Variants in GRM3 observed in about 807,000 individuals in gnomAD.
GRM3 encodes the protein glutamate metabotropic receptor 3.
GRM3 carries 26 observed loss-of-function variants against 70.5 expected under a neutral mutation model. That is an observed-to-expected ratio of 0.37 (90% confidence interval 0.27 to 0.51). GRM3 has a LOEUF of 0.51. GRM3 is among the 20% of genes least tolerant of loss of function. GRM3 has a pLI of 0.93. For missense variants in GRM3, 859 were observed against 1,123.8 expected, an observed-to-expected ratio of 0.76 and a Z score of 3.37; for synonymous variants, 443 against 434.9, an observed-to-expected ratio of 1.02 and a Z score of -0.23.
At chr7:86,751,126 C>T (rs998143107) in intron 1 of GRM3, among the ~76,000 whole-genome samples, 3 of 152,194 alleles carry the variant, frequency 2.0e-5, no homozygotes, top group Admixed American at 6.6e-5. Context: ...GTGGGCAAGA[C>T]AGCCACATTC....
At chr7:86,687,255 CA>C (rs1303945043) in intron 1 of GRM3, among the ~76,000 whole-genome samples, 2 of 151,628 alleles carry the variant, frequency 1.3e-5, no homozygotes, top group Non-Finnish European at 3.0e-5. Context: ...ACATAAGATC[CA>C]AAAAGCTGTC....
At chr7:86,755,022 C>G (rs1409299473) in intron 1 of GRM3, among the ~76,000 whole-genome samples, 6 of 152,018 alleles carry the variant, frequency 3.9e-5, no homozygotes, top group African/African-American at 1.4e-4. Flanking sequence ...TTAAATCATC[C>G]TGCTTGGCAA....
In GRM3 at chr7:86,644,816, C is replaced by T. The variant is rs572350243; in HGVS notation, c.-197C>T. On this transcript the variant is annotated 5_prime_UTR_variant, in exon 1 of 6. Transcript: ENST00000361669. The stretch of plus-strand genomic sequence containing the variant: ...GAGCCAGAGCCCGGGTGCAGGCTCA[C>T]CGCCGCCGCTGCCACCGCGGTCAGC... The T allele has an allele frequency of 3.5e-5, 45 of 1,289,694 alleles. No homozygotes were observed. In the East Asian group the frequency reaches 2.3e-3, roughly 65 times the overall value. The allele number at this position is 1,289,694 out of a possible 1,614,324, so 79.9% of individuals were successfully genotyped here.
At chr7:86,850,299 C>A in intron 4 of GRM3, 71 bp from the exon 5 acceptor site, 1 of 1,044,780 alleles carries the variant, frequency 9.6e-7, no homozygotes, top group Non-Finnish European at 1.5e-6. Context: ...GGTCTTATTT[C>A]AGCACTCTCT....
At chr7:86,726,663 C>T (rs1325869634) in intron 1 of GRM3, among the ~76,000 whole-genome samples, 1 of 152,152 alleles carries the variant, frequency 6.6e-6, no homozygotes, top group Non-Finnish European at 1.5e-5. Flanking sequence ...TACCACTTTT[C>T]ACTCATTTTC....
At chr7:86,763,035 A>G (rs1454770068) in intron 1 of GRM3, among the ~76,000 whole-genome samples, 1 of 152,170 alleles carries the variant, frequency 6.6e-6, no homozygotes, top group Non-Finnish European at 1.5e-5. Context: ...AACTCAGTAT[A>G]CATTGATAGA....
At position 86,837,088 on chromosome 7, in the gene GRM3, C is replaced by T. The variant is rs1163004152; in HGVS notation, c.1325-1751C>T. Among the ~76,000 whole-genome samples the T allele has an allele frequency of 3.3e-5, 5 of 152,082 alleles. No homozygotes were observed. In the East Asian group the frequency reaches 9.6e-4, roughly 29 times the overall value. On this transcript the variant is annotated intron_variant, in intron 3 of 5. Coordinates refer to ENST00000361669, the MANE Select transcript of GRM3 (RefSeq NM_000840.3). ...ATTGTAGGGTGAGATAACAAGAACA[C>T]TACAAAGAAACAAATAACAATAAGT...
intron 1 of GRM3, among the ~76,000 whole-genome samples, chr7:86,684,541 A>C (rs73211617): frequency 6.6e-6 from 1 of 152,302 alleles, no homozygotes; most frequent in African/African-American, 2.4e-5. Context: ...CTATATAACT[A>C]GTAATCTTCC....
intron 3 of GRM3, among the ~76,000 whole-genome samples, chr7:86,818,294 A>T (rs1315297862): frequency 6.6e-6 from 1 of 152,108 alleles, no homozygotes. Context: ...TGTGATAATG[A>T]CTATAGTACA....
At chr7:86,644,939 C>A in intron 1 of GRM3, 67 bp downstream of exon 1, 1 of 845,344 alleles carries the variant, frequency 1.2e-6, no homozygotes, top group Non-Finnish European at 1.7e-6. Context: ...AGCTCGGGTG[C>A]CGCGTGGGGC....
intron 1 of GRM3, among the ~76,000 whole-genome samples, chr7:86,715,284 A>G (rs1795288962): frequency 6.6e-6 from 1 of 152,028 alleles, no homozygotes; most frequent in African/African-American, 2.4e-5. Flanking sequence ...AAAATATTCT[A>G]TTAACTCATG....
At chr7:86,826,369 T>C (rs979204831) in intron 3 of GRM3, among the ~76,000 whole-genome samples, 13 of 152,244 alleles carry the variant, frequency 8.5e-5, no homozygotes, top group African/African-American at 2.9e-4. Flanking sequence ...AAGAATTTGC[T>C]TCTTTCCTAA....
chr7:86,799,412 T>C (rs1797630719), intron 3 of GRM3, among the ~76,000 whole-genome samples: 1 of 152,226 alleles, frequency 6.6e-6, no homozygotes, highest in Non-Finnish European at 1.5e-5. Context: ...AGAGAGGGCA[T>C]CCTTGTCTTG....
chr7:86,723,521 T>G (rs1428211714), intron 1 of GRM3, among the ~76,000 whole-genome samples: 1 of 152,154 alleles, frequency 6.6e-6, no homozygotes, highest in Admixed American at 6.5e-5. Context: ...ATGATCTGAT[T>G]AGCAAAGATG....
chr7:86,647,878 A>T (rs1285137747), intron 1 of GRM3, among the ~76,000 whole-genome samples: 1 of 152,210 alleles, frequency 6.6e-6, no homozygotes, highest in Non-Finnish European at 1.5e-5. Flanking sequence ...TAAATGGATC[A>T]CGTAATGACT....
In GRM3 at chr7:86,864,433, C is replaced by T. The variant is rs148443852; in HGVS notation, c.*78C>T. 8.5e-5 allele frequency: 86 copies of T among 1,008,174 alleles called. No homozygotes were observed. In the African/African-American group the frequency reaches 1.3e-3, roughly 15 times the overall value. 62.5% of individuals were successfully genotyped at this position (1,008,174 alleles called of 1,614,324 possible). On this transcript the variant is annotated 3_prime_UTR_variant, in exon 6 of 6. Coordinates refer to ENST00000361669, the MANE Select transcript of GRM3 (RefSeq NM_000840.3). The stretch of plus-strand genomic sequence containing the variant: ...CACGTGCAGCTCCAGAATATGGAAA[C>T]AGAGCAAAAGAACAACCCTAGTACC...
At chr7:86,712,553 A>G (rs1298120286) in intron 1 of GRM3, among the ~76,000 whole-genome samples, 1 of 152,016 alleles carries the variant, frequency 6.6e-6, no homozygotes, top group African/African-American at 2.4e-5. Flanking sequence ...AACTATAGTT[A>G]CCCTATATAT....
At chr7:86,691,521 T>C (rs1307316462) in intron 1 of GRM3, among the ~76,000 whole-genome samples, 1 of 152,190 alleles carries the variant, frequency 6.6e-6, no homozygotes. Context: ...GAAAGGCATA[T>C]TAAAATAAGT....
At chr7:86,846,887 C>A (rs2116760320) in intron 4 of GRM3, among the ~76,000 whole-genome samples, 1 of 152,236 alleles carries the variant, frequency 6.6e-6, no homozygotes, top group Non-Finnish European at 1.5e-5. Context: ...GACTGTAGTG[C>A]CTGAGATTTT....
Sources: allele counts gnomAD v4.1 joint callset (sites outside exome capture counted in the v4.1 genomes callset), GRCh38; gene constraint gnomAD v4.1.1; transcripts MANE v1.5; gene names NCBI Gene and HGNC (gene_info 2026-07-23, HGNC 2026-07-21).